The following ENTPD1 variants were observed in gnomAD, a reference collection of about 807,000 sequenced individuals.
ENTPD1 encodes ATP diphosphohydrolase.
ENTPD1 carries 33 observed loss-of-function variants against 57.0 expected under a neutral mutation model. That is an observed-to-expected ratio of 0.58 (90% CI 0.44 to 0.77). The LOEUF (loss-of-function observed/expected upper bound fraction) is 0.77. Among genes scored for constraint, ENTPD1 ranks in the 30% least tolerant of loss-of-function variants. The pLI is 0.00. For missense variants in ENTPD1, 501 were observed against 603.4 expected (o/e 0.83, Z 1.78); for synonymous variants, 202 against 218.8 (o/e 0.92, Z 0.68).
intron 1 of ENTPD1, among the ~76,000 whole-genome samples, chr10:95,739,669 G>C (rs973900550): frequency 2.8e-4 from 42 of 152,070 alleles, no homozygotes; most frequent in Non-Finnish European, 5.7e-4. Flanking sequence ...ATAAGGGCTG[G>C]AATTGACTTC....
chr10:95,811,624 A>T (rs2098308224), intron 1 of ENTPD1, among the ~76,000 whole-genome samples: 1 of 152,112 alleles, frequency 6.6e-6, no homozygotes, highest in African/African-American at 2.4e-5. Flanking sequence ...TCCTGGGCTC[A>T]AGTGATTATT....
intron 3 of ENTPD1, among the ~76,000 whole-genome samples, chr10:95,841,639 T>C (rs2098422831): frequency 6.6e-6 from 1 of 152,376 alleles, no homozygotes; most frequent in African/African-American, 2.4e-5. Flanking sequence ...ATTACTCTGC[T>C]ATGAAGCACT....
At chr10:95,770,912 C>T (rs1419328584) in intron 1 of ENTPD1, among the ~76,000 whole-genome samples, 2 of 151,956 alleles carry the variant, frequency 1.3e-5, no homozygotes, top group Middle Eastern at 3.4e-3. Context: ...GTTTTAATTA[C>T]AAAAATAATA....
rs1038152898 is a variant in ENTPD1, at chr10:95,867,962, T to G, written c.*1579T>G. The G allele has an allele frequency of 2.0e-6, 2 of 985,374 alleles. No homozygotes were observed. The highest frequency in any genetic ancestry group is 3.5e-5 in the African/African-American group (2 of 57,260). 61.0% of individuals were successfully genotyped at this position (985,374 alleles called of 1,614,324 possible). A position where few individuals can be genotyped will look rare whatever the true frequency, so the allele number is the denominator to read the frequency against. ...TAGGTTAAATTCACTAGATCTTGAT[T>G]AGGAATCAAAATTCGAATTGGGACA... On this transcript the variant is annotated 3_prime_UTR_variant, in exon 10 of 10. Transcript: ENST00000371205.
intron 1 of ENTPD1, among the ~76,000 whole-genome samples, chr10:95,735,205 A>G (rs1053098221): frequency 2.6e-5 from 4 of 151,706 alleles, no homozygotes; most frequent in Non-Finnish European, 5.9e-5. Flanking sequence ...CCAATTTTGT[A>G]TTTTTAGTAG....
chr10:95,732,929 G>A (rs569682131), intron 1 of ENTPD1, among the ~76,000 whole-genome samples: 12 of 152,146 alleles, frequency 7.9e-5, no homozygotes, highest in Non-Finnish European at 1.8e-4. Flanking sequence ...GGACGGGGGC[G>A]AAATTAAAAT....
chr10:95,870,702 C>G lies in ENTPD1; in HGVS notation c.*4319C>G, dbSNP rs1027181243. On this transcript the variant is annotated 3_prime_UTR_variant, in exon 10 of 10. Transcript: ENST00000371205. ...CTGAGTTTCACCCAAACTGGTCTGG[C>G]CCCTCTCTGATTCAAATACCAATAG... 3.0e-6 allele frequency: 3 copies of G among 985,334 alleles called. No homozygotes were observed. The African/African-American group carries it at 5.2e-5, about 17-fold the overall frequency. The allele number at this position is 985,334 out of a possible 1,614,324, so 61.0% of individuals were successfully genotyped here. A position where few individuals can be genotyped will look rare whatever the true frequency, so the allele number is the denominator to read the frequency against.
At chr10:95,725,424 A>G (rs1399559199) in intron 1 of ENTPD1, among the ~76,000 whole-genome samples, 2 of 152,100 alleles carry the variant, frequency 1.3e-5, no homozygotes, top group Non-Finnish European at 2.9e-5. Context: ...TTTTAATTAA[A>G]TACTGGACAT....
chr10:95,805,757 T>G (rs1316884399), intron 1 of ENTPD1, among the ~76,000 whole-genome samples: 2 of 152,228 alleles, frequency 1.3e-5, no homozygotes, highest in Admixed American at 1.3e-4. Context: ...TGAAGCTTAG[T>G]TTGGCTGGAT....
chr10:95,703,768 C>T, the ENTPD1 span, among the ~76,000 whole-genome samples: 24 of 90,756 alleles, frequency 2.6e-4, no homozygotes, highest in East Asian at 5.7e-3. Context: ...GGCGACAGAG[C>T]GAGACTCTGT....
intron 1 of ENTPD1, among the ~76,000 whole-genome samples, chr10:95,719,806 T>C (rs1332517606): frequency 6.6e-6 from 1 of 152,198 alleles, no homozygotes; most frequent in African/African-American, 2.4e-5. Flanking sequence ...CCTGAACCCT[T>C]GGGGTAAAAC....
At chr10:95,717,560 A>G (rs2097972922) in intron 1 of ENTPD1, among the ~76,000 whole-genome samples, 1 of 152,074 alleles carries the variant, frequency 6.6e-6, no homozygotes, top group African/African-American at 2.4e-5. Context: ...AGCCCTCTTT[A>G]CTACCTGATT....
chr10:95,864,575 C>T lies in ENTPD1; in HGVS notation c.1189-149C>T, dbSNP rs1448072179. The T allele has an allele frequency of 4.0e-6, 4 of 991,364 alleles. 1 individual carries two copies. Among genetic ancestry groups the T allele is most frequent in the South Asian group, 2.8e-5 (2 of 72,326 alleles). The allele number at this position is 991,364 out of a possible 1,614,324, so 61.4% of individuals were successfully genotyped here. A position where few individuals can be genotyped will look rare whatever the true frequency, so the allele number is the denominator to read the frequency against. ...CTGCTCCCACTGAAGGAGTGCAGCA[C>T]CACCCCCAAAACCCTCTGGAAGAGG... On this transcript the variant is annotated intron_variant, in intron 8 of 9. Coordinates refer to ENST00000371205, the MANE Select transcript of ENTPD1 (RefSeq NM_001776.6).
chr10:95,710,184 C>T (rs2097964401), upstream of ENTPD1, among the ~76,000 whole-genome samples: 1 of 152,058 alleles, frequency 6.6e-6, no homozygotes, highest in African/African-American at 2.4e-5. Flanking sequence ...GCGGACAGAT[C>T]ACTTGAGGTC....
chr10:95,781,638 C>T (rs1374500686), intron 1 of ENTPD1, among the ~76,000 whole-genome samples: 3 of 152,156 alleles, frequency 2.0e-5, no homozygotes, highest in Non-Finnish European at 4.4e-5. Flanking sequence ...CAGTCTCCTA[C>T]TAATTTGGTC....
At chr10:95,858,495 G>A (rs2098459572) in intron 7 of ENTPD1, among the ~76,000 whole-genome samples, 1 of 152,176 alleles carries the variant, frequency 6.6e-6, no homozygotes, top group Non-Finnish European at 1.5e-5. Flanking sequence ...TCCTGTGACT[G>A]CTGTTTGTAG....
the ENTPD1 span, among the ~76,000 whole-genome samples, chr10:95,696,426 G>A: frequency 6.6e-6 from 1 of 151,984 alleles, no homozygotes. Context: ...GACTACAGGT[G>A]TACCCACCAC....
At chr10:95,747,146 A>G (rs539221439) in intron 1 of ENTPD1, among the ~76,000 whole-genome samples, 3 of 152,232 alleles carry the variant, frequency 2.0e-5, no homozygotes, top group East Asian at 1.9e-4. Flanking sequence ...GCGATTTACC[A>G]TATCTATGGC....
At chr10:95,779,841 T>C (rs57126367) in intron 1 of ENTPD1, among the ~76,000 whole-genome samples, 35,378 of 152,040 alleles carry the variant, frequency 0.23, 4,890 homozygotes, top group African/African-American at 0.38. Context: ...ACAATGTAAA[T>C]GGGGGCTTTT....
Sources: gnomAD v4.1 joint callset for allele counts (sites outside exome capture counted in the v4.1 genomes callset) on GRCh38, gnomAD v4.1.1 for gene constraint, MANE v1.5 for transcripts, NCBI Gene and HGNC (gene_info 2026-07-23, HGNC 2026-07-21) for gene names.